Variants in RNF220 observed in about 807,000 individuals in gnomAD.
RNF220 encodes the protein E3 ubiquitin-protein ligase RNF220.
RNF220 carries 7 observed loss-of-function variants against 67.1 expected under a neutral mutation model. That is an observed-to-expected ratio of 0.10 (90% CI 0.06 to 0.20). The LOEUF is 0.20. Ranked by LOEUF, RNF220 falls within the 10% of genes least tolerant of loss-of-function variation. The pLI is 1.00. For synonymous variants in RNF220, 270 were observed against 283.2 expected (o/e 0.95, Z 0.47); for missense variants, 565 against 740.3 (o/e 0.76, Z 2.75).
chr1:44,543,377 A>T (rs1199290455), intron 2 of RNF220, among the ~76,000 whole-genome samples: 1 of 151,998 alleles, frequency 6.6e-6, no homozygotes. Flanking sequence ...ATTATGGAGA[A>T]CTCAGCAGGC....
chr1:44,587,969 T>G (rs1412950405), intron 2 of RNF220, among the ~76,000 whole-genome samples: 2 of 152,154 alleles, frequency 1.3e-5, no homozygotes, highest in Non-Finnish European at 1.5e-5. Flanking sequence ...GGGCTGGGGA[T>G]GGGGCACCCT....
At chr1:44,631,852 G>A in intron 5 of RNF220, 1 of 963,706 alleles carries the variant, frequency 1.0e-6, no homozygotes, top group African/African-American at 1.8e-5. Flanking sequence ...ACCCCGGGGA[G>A]GCTTCTGCCG....
intron 2 of RNF220, among the ~76,000 whole-genome samples, chr1:44,464,566 A>G (rs997693005): frequency 6.6e-6 from 1 of 152,256 alleles, no homozygotes; most frequent in African/African-American, 2.4e-5. Flanking sequence ...AGTAAAGCAC[A>G]TCTGTGTGGC....
At chr1:44,573,012 C>G (rs764344844) in intron 2 of RNF220, 3 of 399,974 alleles carry the variant, frequency 7.5e-6, no homozygotes, top group South Asian at 5.5e-5. Flanking sequence ...GAAGAAAGCA[C>G]GCAGGAGAAC....
chr1:44,574,310 A>G (rs1319815876), intron 2 of RNF220, among the ~76,000 whole-genome samples: 2 of 151,966 alleles, frequency 1.3e-5, no homozygotes, highest in African/African-American at 4.8e-5. Context: ...GCCCTATCCC[A>G]CTTCACTTGG....
intron 2 of RNF220, among the ~76,000 whole-genome samples, chr1:44,511,876 C>T (rs1283046854): frequency 6.6e-6 from 1 of 151,196 alleles, no homozygotes; most frequent in Non-Finnish European, 1.5e-5. Flanking sequence ...AAAAATCTGT[C>T]ATCTCCGGGA....
chr1:44,536,664 A>G (rs1395659939), intron 2 of RNF220, among the ~76,000 whole-genome samples: 1 of 152,156 alleles, frequency 6.6e-6, no homozygotes, highest in Non-Finnish European at 1.5e-5. Flanking sequence ...AAGAAAACAC[A>G]TGGTCTGCCC....
chr1:44,447,818 A>G (rs373776912), intron 2 of RNF220, among the ~76,000 whole-genome samples: 3 of 152,136 alleles, frequency 2.0e-5, no homozygotes, highest in African/African-American at 7.2e-5. Flanking sequence ...CTCTGGTTCC[A>G]AAGCTGATGC....
chr1:44,428,678 A>G (rs59309731), intron 2 of RNF220, among the ~76,000 whole-genome samples: 1 of 152,080 alleles, frequency 6.6e-6, no homozygotes, highest in Non-Finnish European at 1.5e-5. Flanking sequence ...CCGACTTCGC[A>G]TCCTTGTGTT....
rs1013657416 is a variant in RNF220 at position 44,543,210 on chromosome 1, C to G, written c.626-70955C>G. On this transcript the variant is annotated intron_variant, in intron 2 of 14. Coordinates refer to ENST00000361799, the MANE Select transcript of RNF220 (RefSeq NM_018150.4). Reference sequence around the variant, plus strand: ...GCAGAGACCTCCCCGTCAGACCCCCCACCTTCGCCGGCTACCCCCTCCCCC... The same window carrying G: ...GCAGAGACCTCCCCGTCAGACCCCCGACCTTCGCCGGCTACCCCCTCCCCC... 1.2e-4 allele frequency among the ~76,000 whole-genome samples: 19 copies of G among 152,248 alleles called. No individual in the cohort carries two copies. In the East Asian group the frequency reaches 2.1e-3, roughly 17 times the overall value.
intron 2 of RNF220, among the ~76,000 whole-genome samples, chr1:44,425,642 A>G (rs1477196936): frequency 6.6e-6 from 1 of 152,214 alleles, no homozygotes; most frequent in East Asian, 1.9e-4. Flanking sequence ...ATGCTGGGTA[A>G]GTCTCTGTTT....
Position 44,565,534 on chromosome 1 carries a change from C to G in RNF220, c.626-48631C>G, listed in dbSNP as rs1663934254. The stretch of plus-strand genomic sequence containing the variant: ...GTGGGCCCATTCCTCAGCGCTAATG[C>G]CCCCAGCCTAACACAATTACCCCTT... On this transcript the variant is annotated intron_variant, in intron 2 of 14. Transcript: ENST00000361799. This position sits in a 1 kb window ranked among gnomAD's most constrained non-coding sequence, Gnocchi z 4.2. Among the ~76,000 whole-genome samples, 2 of 152,174 alleles carry G rather than the reference C, an allele frequency of 1.3e-5. No homozygotes were observed. Among genetic ancestry groups the G allele is most frequent in the Admixed American group, 6.5e-5 (1 of 15,284 alleles).
chr1:44,636,494 C>T (rs1267888082), intron 8 of RNF220: 1 of 716,030 alleles, frequency 1.4e-6, no homozygotes, highest in East Asian at 2.7e-5. Flanking sequence ...ATGCATTTAT[C>T]ACTCCATCCC....
chr1:44,483,308 C>T (rs1286146861), intron 2 of RNF220, among the ~76,000 whole-genome samples: 1 of 152,110 alleles, frequency 6.6e-6, no homozygotes, highest in Non-Finnish European at 1.5e-5. Context: ...TTCTACCTTG[C>T]TCAATGTCAG....
At chr1:44,602,059 T>C (rs1666959568) in intron 2 of RNF220, among the ~76,000 whole-genome samples, 1 of 152,036 alleles carries the variant, frequency 6.6e-6, no homozygotes, top group African/African-American at 2.4e-5. Flanking sequence ...GTTAAATGGA[T>C]ACAAGTCTTT....
rs551723622 is a variant in RNF220, at chr1:44,512,244, T to C, written c.625+99522T>C. Reference sequence around the variant, plus strand: ...AGCTGCATGTAACTGAAAAAGCTGATAGGTAGGTGTGGCTGAGGAACAATT... The same window carrying C: ...AGCTGCATGTAACTGAAAAAGCTGACAGGTAGGTGTGGCTGAGGAACAATT... On this transcript the variant is annotated intron_variant, in intron 2 of 14. Transcript: ENST00000361799. 1.9e-4 allele frequency among the ~76,000 whole-genome samples: 29 copies of C among 152,236 alleles called. 2 individuals are homozygous for C. In the South Asian group the frequency reaches 3.9e-3, roughly 21 times the overall value.
intron 2 of RNF220, among the ~76,000 whole-genome samples, chr1:44,582,516 G>A (rs1315632989): frequency 6.6e-6 from 1 of 152,174 alleles, no homozygotes; most frequent in African/African-American, 2.4e-5. Context: ...CAGCACGTTG[G>A]GAGGCCGAGG....
At position 44,603,141 on chromosome 1, in the gene RNF220, G is replaced by A. The variant is rs1337681114; in HGVS notation, c.626-11024G>A. On this transcript the variant is annotated intron_variant, in intron 2 of 14. Coordinates refer to ENST00000361799, the MANE Select transcript of RNF220 (RefSeq NM_018150.4). ...AATGATTACAGGCAGCTACAGATGG[G>A]GCCAATCTGATGCGCAGCAGCAAAT... is the stretch of plus-strand genomic sequence containing the variant. Among the ~76,000 whole-genome samples, 3 of 152,294 alleles carry A rather than the reference G, an allele frequency of 2.0e-5. No individual in the cohort carries two copies. The East Asian group carries it at 5.8e-4, about 29-fold the overall frequency.
chr1:44,570,530 T>C (rs187638534), intron 2 of RNF220, among the ~76,000 whole-genome samples: 1 of 152,296 alleles, frequency 6.6e-6, no homozygotes, highest in East Asian at 1.9e-4. Context: ...CCCGAGACTA[T>C]GTGGTTAGAT....
Sources: gnomAD v4.1 joint callset for allele counts (sites outside exome capture counted in the v4.1 genomes callset) on GRCh38, gnomAD v4.1.1 for gene constraint, Gnocchi (gnomAD v3.1) non-coding constraint, MANE v1.5 for transcripts, NCBI Gene and HGNC (gene_info 2026-07-23, HGNC 2026-07-21) for gene names.